The following PLXDC2 variants were observed in gnomAD, a reference collection of about 807,000 sequenced individuals.
PLXDC2 encodes the protein plexin domain containing 2, also known as plexin domain-containing protein 2.
A neutral mutation model predicts 68.9 loss-of-function variants in PLXDC2; 40 were observed. The observed-to-expected ratio is 0.58, with a 90% CI of 0.45 to 0.76. The LOEUF is 0.76. Among genes scored for constraint, PLXDC2 ranks in the 30% least tolerant of loss-of-function variants. The probability of loss-of-function intolerance (pLI) is 0.00; values close to 1 mark genes in which losing one functional copy is unlikely to be tolerated. For missense variants in PLXDC2, 644 were observed against 661.9 expected (o/e 0.97, Z 0.30); for synonymous variants, 243 against 234.2 (o/e 1.04, Z -0.34).
At chr10:19,897,899 A>G (rs1419413628) in intron 1 of PLXDC2, among the ~76,000 whole-genome samples, 2 of 152,158 alleles carry the variant, frequency 1.3e-5, no homozygotes, top group African/African-American at 4.8e-5. Context: ...TAGAAGGACT[A>G]GCTGCAAGAT....
At chr10:19,887,733 AT>A (rs1400393764) in intron 1 of PLXDC2, among the ~76,000 whole-genome samples, 1 of 152,216 alleles carries the variant, frequency 6.6e-6, no homozygotes, top group African/African-American at 2.4e-5. Context: ...CAAAATATCG[AT>A]AGTGGCATAG....
chr10:20,039,888 A>T (rs978913490), intron 2 of PLXDC2, among the ~76,000 whole-genome samples: 3 of 152,204 alleles, frequency 2.0e-5, no homozygotes, highest in African/African-American at 7.2e-5. Flanking sequence ...GAGTAGAAAT[A>T]TACACATTCA....
At chr10:19,817,946 C>T (rs1294637811) in intron 1 of PLXDC2, among the ~76,000 whole-genome samples, 1 of 152,164 alleles carries the variant, frequency 6.6e-6, no homozygotes, top group East Asian at 1.9e-4. Flanking sequence ...GGCAGGTGCG[C>T]GTCCTGCGGG....
chr10:20,234,995 G>A (rs1366064839), intron 12 of PLXDC2, among the ~76,000 whole-genome samples: 1 of 152,154 alleles, frequency 6.6e-6, no homozygotes, highest in Admixed American at 6.5e-5. Context: ...TTCCAAAGAA[G>A]CTGCTTACAG....
At chr10:20,152,285 G>T (rs1834162611) in intron 6 of PLXDC2, among the ~76,000 whole-genome samples, 1 of 152,070 alleles carries the variant, frequency 6.6e-6, no homozygotes, top group Admixed American at 6.5e-5. Flanking sequence ...AATGAATACA[G>T]ATTTGCTCAT....
At chr10:20,213,620 A>T (rs1243131154) in intron 10 of PLXDC2, among the ~76,000 whole-genome samples, 1 of 152,092 alleles carries the variant, frequency 6.6e-6, no homozygotes, top group African/African-American at 2.4e-5. Context: ...ATTAGATCAC[A>T]TTTCCTAATT....
intron 1 of PLXDC2, among the ~76,000 whole-genome samples, chr10:19,840,676 A>G (rs1047992253): frequency 1.3e-5 from 2 of 152,162 alleles, no homozygotes; most frequent in South Asian, 4.1e-4. Context: ...TCTAATTTAT[A>G]TGACCTCATA....
chr10:19,924,668 T>C (rs985670666), intron 1 of PLXDC2, among the ~76,000 whole-genome samples: 1 of 152,206 alleles, frequency 6.6e-6, no homozygotes, highest in Admixed American at 6.5e-5. Context: ...TCTTAGGCAG[T>C]CTGTGTAAAT....
At chr10:20,093,631 C>T (rs1833310166) in intron 4 of PLXDC2, among the ~76,000 whole-genome samples, 1 of 152,146 alleles carries the variant, frequency 6.6e-6, no homozygotes, top group African/African-American at 2.4e-5. Context: ...ACCACAAAAA[C>T]TGCATGAGAG....
intron 1 of PLXDC2, among the ~76,000 whole-genome samples, chr10:19,884,728 A>G (rs1156320173): frequency 8.5e-5 from 13 of 152,322 alleles, no homozygotes; most frequent in African/African-American, 2.9e-4. Context: ...TATATGTGCC[A>G]CATTTTCTTA....
chr10:20,286,325 A>G lies in PLXDC2; in HGVS notation c.*6506A>G, dbSNP rs1027814215. On this transcript the variant is annotated 3_prime_UTR_variant, in exon 14 of 14. Coordinates refer to ENST00000377252, the MANE Select transcript of PLXDC2 (RefSeq NM_032812.9). ...CTTTTCCTAGTTTCTAAGGCTTATT[A>G]ACATTTGCAAATTACTCAATAAATG... The G allele has an allele frequency of 6.6e-6, 1 of 152,214 alleles. No individual in the cohort carries two copies. Among genetic ancestry groups the G allele is most frequent in the Non-Finnish European group, 1.5e-5 (1 of 68,026 alleles). The allele number at this position is 152,214 out of a possible 1,614,324, so 9.4% of individuals were successfully genotyped here.
chr10:20,044,122 T>TCCTCCCTCCCTC lies in PLXDC2; in HGVS notation c.325-2742_325-2731dup, dbSNP rs754844827. The stretch of plus-strand genomic sequence containing the variant: ...TTCCTTCCTTCCTTCCTTCCTTCCT[T>TCCTCCCTCCCTC]CCTCCCTCCCTCCCTCTCTCTCTTT... On this transcript the variant is annotated intron_variant, in intron 2 of 13. Transcript: ENST00000377252. 3.1e-4 allele frequency among the ~76,000 whole-genome samples: 31 copies of TCCTCCCTCCCTC among 99,784 alleles called. 1 individual carries two copies. The highest frequency in any genetic ancestry group is 1.2e-3 in the African/African-American group (30 of 24,272). The allele number at this position is 99,784 out of a possible 152,430, so 65.5% of individuals were successfully genotyped here.
chr10:20,057,542 C>G (rs942356688), intron 3 of PLXDC2, among the ~76,000 whole-genome samples: 5 of 152,074 alleles, frequency 3.3e-5, no homozygotes, highest in African/African-American at 1.2e-4. Context: ...GTGTTCTAGA[C>G]ATAGTATTCC....
At chr10:20,162,042 A>AGAGAGAG (rs1834299966) in intron 6 of PLXDC2, among the ~76,000 whole-genome samples, 2 of 72,422 alleles carry the variant, frequency 2.8e-5, no homozygotes, top group African/African-American at 1.1e-4. Flanking sequence ...GAAAGAAAGA[A>AGAGAGAG]AGAGAGAGAG....
At chr10:19,856,252 C>T (rs112899137) in intron 1 of PLXDC2, among the ~76,000 whole-genome samples, 297 of 152,048 alleles carry the variant, frequency 2.0e-3, no homozygotes, top group African/African-American at 6.6e-3. Context: ...ATGCTTTTCT[C>T]GATCTTTGTC....
chr10:19,875,525 A>G lies in PLXDC2; in HGVS notation c.112+58334A>G, dbSNP rs564190958. 6.6e-5 allele frequency among the ~76,000 whole-genome samples: 10 copies of G among 152,340 alleles called. No individual in the cohort carries two copies. The South Asian group carries it at 2.1e-3, about 32-fold the overall frequency. ...ATAATTAACAGTCATAGAGGTAGTA[A>G]AAGGTCCAAAACTTAGCTAGAAAAT... On this transcript the variant is annotated intron_variant, in intron 1 of 13. Coordinates refer to ENST00000377252, the MANE Select transcript of PLXDC2 (RefSeq NM_032812.9).
At chr10:19,969,529 T>C (rs1834315659) in intron 1 of PLXDC2, among the ~76,000 whole-genome samples, 1 of 152,220 alleles carries the variant, frequency 6.6e-6, no homozygotes, top group Admixed American at 6.5e-5. Flanking sequence ...TTCAAAGCTT[T>C]GGGTCTTCTA....
intron 4 of PLXDC2, among the ~76,000 whole-genome samples, chr10:20,111,631 A>G (rs1275452602): frequency 6.6e-6 from 1 of 152,192 alleles, no homozygotes; most frequent in Non-Finnish European, 1.5e-5. Flanking sequence ...TGCAGGAAAG[A>G]CATGTTTACT....
chr10:20,164,610 G>A, intron 7 of PLXDC2, 43 bp downstream of exon 7: 1 of 1,477,882 alleles, frequency 6.8e-7, no homozygotes, highest in Non-Finnish European at 9.5e-7. Flanking sequence ...GCCTCTGTGG[G>A]GGTAAATTTA....
Sources: gnomAD v4.1 joint callset for allele counts (sites outside exome capture counted in the v4.1 genomes callset) on GRCh38, gnomAD v4.1.1 for gene constraint, MANE v1.5 for transcripts, NCBI Gene and HGNC (gene_info 2026-07-23, HGNC 2026-07-21) for gene names.